SCGB2B2: variants seen among roughly 807,000 people sequenced by gnomAD.
The protein encoded by SCGB2B2 is secretoglobin-like protein.
A neutral mutation model predicts 7.6 loss-of-function variants in SCGB2B2; 11 were observed. That is an observed-to-expected ratio of 1.45 (90% CI 0.91 to 2.40). SCGB2B2 has a LOEUF of 2.40. SCGB2B2 is among the 30% of genes most tolerant of loss of function. The probability of loss-of-function intolerance (pLI) is 0.00; values close to 1 mark genes in which losing one functional copy is unlikely to be tolerated. For synonymous variants in SCGB2B2, 50 were observed against 48.6 expected, an observed-to-expected ratio of 1.03 and a Z score of -0.12; for missense variants, 104 against 115.4, an observed-to-expected ratio of 0.90 and a Z score of 0.45.
intron 1 of SCGB2B2, among the ~76,000 whole-genome samples, chr19:34,658,916 A>G (rs1028670162): frequency 2.6e-5 from 4 of 152,232 alleles, no homozygotes; most frequent in African/African-American, 7.2e-5. Context: ...CGAATCCAGC[A>G]GCACATCAAA....
chr19:34,608,388 T>C (rs1393245722), intron 1 of SCGB2B2, among the ~76,000 whole-genome samples: 4 of 151,424 alleles, frequency 2.6e-5, no homozygotes, highest in African/African-American at 9.7e-5. Context: ...TATAGAAAAC[T>C]AGAACTTATT....
chr19:34,595,773 C>A lies in SCGB2B2; in HGVS notation c.-1210G>T, dbSNP rs2065433461. ...CGTGATTTTTGTCTCCTGACAGGAC[C>A]CTAAATTGTAAGTGTGACCCCAGGG... On this transcript the variant is annotated 5_prime_UTR_variant, in exon 2 of 4. Coordinates refer to ENST00000601241, the MANE Select transcript of SCGB2B2 (RefSeq NM_001025591.4). 6.6e-6 allele frequency: 1 copy of A among 152,270 alleles called. No homozygotes were observed. The highest frequency in any genetic ancestry group is 2.4e-5 in the African/African-American group (1 of 41,442). The allele number at this position is 152,270 out of a possible 1,614,324, so 9.4% of individuals were successfully genotyped here. A position where few individuals can be genotyped will look rare whatever the true frequency, so the allele number is the denominator to read the frequency against.
At chr19:34,606,363 T>A (rs979175928) in intron 1 of SCGB2B2, among the ~76,000 whole-genome samples, 2 of 152,142 alleles carry the variant, frequency 1.3e-5, no homozygotes, top group African/African-American at 4.8e-5. Flanking sequence ...CTTGCATGAT[T>A]TCATTTATTA....
rs184571188 is a variant in SCGB2B2 at position 34,620,562 on chromosome 19, T to C, written c.-2031-23968A>G. Among the ~76,000 whole-genome samples the C allele has an allele frequency of 5.9e-3, 892 of 151,650 alleles. 3 individuals carry two copies. The highest frequency in any genetic ancestry group is 8.1e-3 in the Non-Finnish European group (547 of 67,884). ...GGATTGCATTAGGAGATATACCTAA[T>C]GTAAATGACAAGTTAATGGGTGCAG... is the stretch of plus-strand genomic sequence containing the variant. On this transcript the variant is annotated intron_variant, in intron 1 of 3. Transcript: ENST00000601241.
intron 1 of SCGB2B2, among the ~76,000 whole-genome samples, chr19:34,662,935 A>C (rs560004114): frequency 1.2e-3 from 182 of 151,838 alleles, no homozygotes; most frequent in Non-Finnish European, 1.4e-3. Flanking sequence ...TGTCTCCAAA[A>C]AAACAAACAA....
In SCGB2B2 at chr19:34,675,998, A is replaced by T. The variant is rs941538913; in HGVS notation, c.-2400T>A. The T allele has an allele frequency of 2.6e-5, 4 of 152,218 alleles. No homozygotes were observed. The highest frequency in any genetic ancestry group is 4.8e-5 in the African/African-American group (2 of 41,450). The allele number at this position is 152,218 out of a possible 1,614,324, so 9.4% of individuals were successfully genotyped here. On this transcript the variant is annotated 5_prime_UTR_variant, in exon 1 of 4. Transcript: ENST00000601241. ...GTGCAGACCCAAAGAGCAAAAGAAC[A>T]AACATCCCACACCTGGGAAGTAGAC... is the stretch of plus-strand genomic sequence containing the variant.
chr19:34,597,355 C>G (rs2065487303), intron 1 of SCGB2B2, among the ~76,000 whole-genome samples: 1 of 140,318 alleles, frequency 7.1e-6, no homozygotes, highest in Admixed American at 7.5e-5. Flanking sequence ...AGGGCCAGGG[C>G]AAGCTTGCAC....
intron 1 of SCGB2B2, among the ~76,000 whole-genome samples, chr19:34,597,383 T>TG (rs2065489003): frequency 1.3e-5 from 2 of 151,950 alleles, no homozygotes; most frequent in Admixed American, 1.3e-4. Context: ...CCTGGGGACA[T>TG]TGGGGGTGGT....
chr19:34,594,702 TGA>T lies in SCGB2B2; in HGVS notation c.-141_-140del. On this transcript the variant is annotated 5_prime_UTR_variant, in exon 2 of 4. It removes the in-frame stop codon of an upstream open reading frame in the 5' UTR. Coordinates refer to ENST00000601241, the MANE Select transcript of SCGB2B2 (RefSeq NM_001025591.4). ...GTGTGTGTGTGTGTGTGTGTGTGTG[TGA>T]ATGTGGTCAGGGCAGGTCTGCAGAG... 2 of 650,456 alleles carry T rather than the reference TGA, an allele frequency of 3.1e-6. No homozygotes were observed. The highest frequency in any genetic ancestry group is 5.4e-6 in the Non-Finnish European group (2 of 372,478). The allele number at this position is 650,456 out of a possible 1,614,324, so 40.3% of individuals were successfully genotyped here.
Position 34,594,247 on chromosome 19 carries a change from C to A in SCGB2B2, c.174G>T (p.Glu58Asp). Residue 58 changes from glutamate to aspartate, a missense_variant, in exon 3 of 4, where the codon GAG becomes GAT. Coordinates refer to ENST00000601241, the MANE Select transcript of SCGB2B2 (RefSeq NM_001025591.4). ...ARYNPSPLTEESFLNVQQCFA... is the reference protein window; with the variant it reads ...ARYNPSPLTEDSFLNVQQCFA... ...AGCATTGCTGGACATTGAGGAAGGACTCCTCTGTCAGGGGACTGGGGTTGT... is the reference window on the plus strand; with the variant it reads ...AGCATTGCTGGACATTGAGGAAGGAATCCTCTGTCAGGGGACTGGGGTTGT... 1 of 1,614,056 alleles carries A rather than the reference C, an allele frequency of 6.2e-7. No homozygotes were observed. The highest frequency in any genetic ancestry group is 1.1e-5 in the South Asian group (1 of 91,086).
In SCGB2B2 at chr19:34,591,903, C is replaced by A. The variant is rs1179800311; in HGVS notation, c.*1652G>T. The stretch of plus-strand genomic sequence containing the variant: ...ACTATTACAATTTTCTTGAGCTTTG[C>A]AACCCCCTCTTCACCTTGGATGTGA... On this transcript the variant is annotated 3_prime_UTR_variant, in exon 4 of 4. Coordinates refer to ENST00000601241, the MANE Select transcript of SCGB2B2 (RefSeq NM_001025591.4). Among the ~76,000 whole-genome samples, 1 of 152,216 alleles carries A rather than the reference C, an allele frequency of 6.6e-6. No individual in the cohort carries two copies. The highest frequency in any genetic ancestry group is 1.5e-5 in the Non-Finnish European group (1 of 68,038).
chr19:34,641,585 G>T (rs796959164), intron 1 of SCGB2B2, among the ~76,000 whole-genome samples: 1 of 152,176 alleles, frequency 6.6e-6, no homozygotes, highest in Non-Finnish European at 1.5e-5. Flanking sequence ...GGTCAAGGTC[G>T]TTTGCCAGAT....
intron 1 of SCGB2B2, among the ~76,000 whole-genome samples, chr19:34,661,292 C>T (rs1159806612): frequency 2.0e-5 from 3 of 151,466 alleles, no homozygotes; most frequent in African/African-American, 7.3e-5. Context: ...AATAAATAAA[C>T]GTGCAATGAC....
chr19:34,614,115 C>CT lies in SCGB2B2; in HGVS notation c.-2031-17522dup, dbSNP rs35248627. 7.5e-3 allele frequency among the ~76,000 whole-genome samples: 1,148 copies of CT among 152,072 alleles called. 9 individuals are homozygous for CT. The highest frequency in any genetic ancestry group is 0.027 in the African/African-American group (1,102 of 41,490). On this transcript the variant is annotated intron_variant, in intron 1 of 3. Coordinates refer to ENST00000601241, the MANE Select transcript of SCGB2B2 (RefSeq NM_001025591.4). Reference sequence around the variant, plus strand: ...CACTGGGAGGAACTTTCAGCTGAATCTTTTTTGGGGCCTTGGATCTAGATG... The same window carrying CT: ...CACTGGGAGGAACTTTCAGCTGAATCTTTTTTTGGGGCCTTGGATCTAGATG...
intron 1 of SCGB2B2, among the ~76,000 whole-genome samples, chr19:34,603,469 A>G (rs2065687433): frequency 6.6e-6 from 1 of 152,162 alleles, no homozygotes; most frequent in Non-Finnish European, 1.5e-5. Flanking sequence ...ATGTCCATAC[A>G]CCACTCACTG....
chr19:34,601,919 A>C (rs2065635477), intron 1 of SCGB2B2, among the ~76,000 whole-genome samples: 1 of 152,080 alleles, frequency 6.6e-6, no homozygotes, highest in Admixed American at 6.6e-5. Context: ...TGTTCTTGAC[A>C]GCTTTTTATT....
chr19:34,625,143 G>T (rs2066334917), intron 1 of SCGB2B2, among the ~76,000 whole-genome samples: 1 of 152,196 alleles, frequency 6.6e-6, no homozygotes, highest in Non-Finnish European at 1.5e-5. Context: ...GTGAGGTGGA[G>T]CCAAGATGGC....
At chr19:34,610,287 G>C (rs781322827) in intron 1 of SCGB2B2, among the ~76,000 whole-genome samples, 1 of 152,034 alleles carries the variant, frequency 6.6e-6, no homozygotes. Flanking sequence ...TATCCAGGCT[G>C]TATGCTCTTT....
chr19:34,643,074 G>A (rs1283002512), intron 1 of SCGB2B2, among the ~76,000 whole-genome samples: 2 of 152,162 alleles, frequency 1.3e-5, no homozygotes, highest in South Asian at 2.1e-4. Context: ...ATCCGAAAAG[G>A]AGGAAGTCAG....
Sources: gnomAD v4.1 joint callset for allele counts (sites outside exome capture counted in the v4.1 genomes callset) on GRCh38, gnomAD v4.1.1 for gene constraint, MANE v1.5 for transcripts, NCBI Gene and HGNC (gene_info 2026-07-23, HGNC 2026-07-21) for gene names.